TNFRSF21: variants seen among roughly 807,000 people sequenced by gnomAD.
The protein encoded by TNFRSF21 is TNF receptor superfamily member 21.
Under a neutral mutation model 45.6 loss-of-function variants are expected in TNFRSF21, and 19 were observed. The ratio of observed to expected loss-of-function variants is 0.42; its 90% CI spans 0.29 to 0.61. The LOEUF is 0.61. TNFRSF21 is among the 20% of genes least tolerant of loss of function. The pLI, the probability that TNFRSF21 is intolerant of heterozygous loss-of-function variation, is 0.23. For synonymous variants in TNFRSF21, 314 were observed against 335.5 expected (o/e 0.94, Z 0.70); for missense variants, 737 against 851.5 (o/e 0.87, Z 1.67).
Position 47,309,902 on chromosome 6 carries a change from G to T in TNFRSF21, c.-391C>A. 6.0e-6 allele frequency: 1 copy of T among 167,530 alleles called. No individual in the cohort carries two copies. Among genetic ancestry groups the T allele is most frequent in the East Asian group, 1.6e-4 (1 of 6,192 alleles). 10.4% of individuals were successfully genotyped at this position (167,530 alleles called of 1,614,324 possible). A position where few individuals can be genotyped will look rare whatever the true frequency, so the allele number is the denominator to read the frequency against. ...CCGCTGCCCAGACTGGTCGGCGAGGGACTGAGTCGGTGGCCACCGGGCGCA... is the reference window on the plus strand; with the variant it reads ...CCGCTGCCCAGACTGGTCGGCGAGGTACTGAGTCGGTGGCCACCGGGCGCA... On this transcript the variant is annotated 5_prime_UTR_variant, in exon 1 of 6. Coordinates refer to ENST00000296861, the MANE Select transcript of TNFRSF21 (RefSeq NM_014452.5).
intron 1 of TNFRSF21, among the ~76,000 whole-genome samples, chr6:47,301,408 G>A (rs556418644): frequency 1.5e-4 from 23 of 152,276 alleles, no homozygotes; most frequent in African/African-American, 5.5e-4. Context: ...GGTCTGCAAG[G>A]TTTAAACCCA....
intron 4 of TNFRSF21, among the ~76,000 whole-genome samples, chr6:47,249,781 T>C (rs540834080): frequency 6.6e-6 from 1 of 152,322 alleles, no homozygotes; most frequent in South Asian, 2.1e-4. Context: ...AAAGTACACA[T>C]TTATTGCCTA....
At chr6:47,272,311 C>T (rs1404975465) in intron 3 of TNFRSF21, among the ~76,000 whole-genome samples, 1 of 152,310 alleles carries the variant, frequency 6.6e-6, no homozygotes, top group African/African-American at 2.4e-5. Context: ...TCACAACAAA[C>T]TGTCTCTCAG....
intron 1 of TNFRSF21, among the ~76,000 whole-genome samples, chr6:47,301,027 A>G (rs1762859051): frequency 6.6e-6 from 1 of 152,226 alleles, no homozygotes; most frequent in African/African-American, 2.4e-5. Flanking sequence ...AGGGAATTGA[A>G]TTGAAATGAC....
intron 3 of TNFRSF21, among the ~76,000 whole-genome samples, chr6:47,283,487 A>G (rs1339234705): frequency 6.6e-6 from 1 of 152,220 alleles, no homozygotes; most frequent in East Asian, 1.9e-4. Flanking sequence ...ACTTATGACA[A>G]GTTGGGTTTT....
intron 1 of TNFRSF21, among the ~76,000 whole-genome samples, chr6:47,289,442 A>AT (rs1476751352): frequency 6.6e-6 from 1 of 151,906 alleles, no homozygotes; most frequent in Non-Finnish European, 1.5e-5. Flanking sequence ...GGGTATATTC[A>AT]TTTTTTCTGT....
chr6:47,290,309 A>C (rs1008130992), intron 1 of TNFRSF21, among the ~76,000 whole-genome samples: 9 of 152,058 alleles, frequency 5.9e-5, no homozygotes, highest in African/African-American at 1.9e-4. Flanking sequence ...CCTGTGTGGG[A>C]GGATGGGCAG....
intron 3 of TNFRSF21, among the ~76,000 whole-genome samples, chr6:47,283,430 C>T (rs16875864): frequency 0.039 from 5,955 of 152,176 alleles, 386 homozygotes; most frequent in African/African-American, 0.14. Flanking sequence ...ATATATGTGA[C>T]GAAATTGTTA....
intron 3 of TNFRSF21, among the ~76,000 whole-genome samples, chr6:47,282,561 A>C (rs1045597837): frequency 6.6e-6 from 1 of 152,192 alleles, no homozygotes; most frequent in Non-Finnish European, 1.5e-5. Flanking sequence ...TTCGTTATAG[A>C]AGTGGCATGT....
At chr6:47,303,368 A>T (rs1012438973) in intron 1 of TNFRSF21, among the ~76,000 whole-genome samples, 2 of 152,196 alleles carry the variant, frequency 1.3e-5, no homozygotes, top group African/African-American at 4.8e-5. Context: ...TAATTTTTAA[A>T]TATGAAGCCA....
intron 1 of TNFRSF21, among the ~76,000 whole-genome samples, chr6:47,305,678 T>C (rs1762930131): frequency 6.6e-6 from 1 of 152,176 alleles, no homozygotes; most frequent in African/African-American, 2.4e-5. Flanking sequence ...AAAAACACTA[T>C]TACTTGGCAC....
At chr6:47,235,046 T>G in intron 4 of TNFRSF21, 148 bp from the exon 5 acceptor site, 3 of 476,838 alleles carry the variant, frequency 6.3e-6, no homozygotes, top group Middle Eastern at 1.0e-3. Context: ...TTTATATGAT[T>G]GCTAGACACA....
At chr6:47,282,407 A>C (rs1005478326) in intron 3 of TNFRSF21, among the ~76,000 whole-genome samples, 14 of 151,454 alleles carry the variant, frequency 9.2e-5, no homozygotes, top group African/African-American at 1.9e-4. Flanking sequence ...AAAAAAAAAA[A>C]CCCTCAGAAA....
At chr6:47,284,499 T>C (rs1440742807) in intron 2 of TNFRSF21, 67 bp from the exon 3 acceptor site, 3 of 1,451,350 alleles carry the variant, frequency 2.1e-6, no homozygotes, top group Non-Finnish European at 2.7e-6. Flanking sequence ...TTCCCTCCTT[T>C]CCCTGGTCAT....
chr6:47,294,757 C>A (rs947319451), intron 1 of TNFRSF21, among the ~76,000 whole-genome samples: 2 of 152,034 alleles, frequency 1.3e-5, no homozygotes, highest in African/African-American at 4.8e-5. Context: ...TCTCAAACTC[C>A]TGGCCTCAAG....
At chr6:47,247,477 T>A (rs1479554198) in intron 4 of TNFRSF21, among the ~76,000 whole-genome samples, 2 of 152,226 alleles carry the variant, frequency 1.3e-5, no homozygotes, top group Middle Eastern at 3.2e-3. Context: ...CTAATTTGAA[T>A]AGCCAAAAAG....
chr6:47,235,667 G>C (rs1443426204), intron 4 of TNFRSF21, among the ~76,000 whole-genome samples: 1 of 152,148 alleles, frequency 6.6e-6, no homozygotes, highest in East Asian at 1.9e-4. Context: ...TCTTAACTAA[G>C]GGCCAACAAG....
At chr6:47,302,367 C>T (rs532749820) in intron 1 of TNFRSF21, among the ~76,000 whole-genome samples, 74 of 152,308 alleles carry the variant, frequency 4.9e-4, no homozygotes, top group Non-Finnish European at 9.1e-4. Context: ...CTAAAAGGTC[C>T]TCAAGTTCTC....
rs1191226346 is a variant in TNFRSF21 at position 47,253,298 on chromosome 6, A to G, written c.1467T>C (p.Asp489=). 44 of 1,613,708 alleles carry G rather than the reference A, an allele frequency of 2.7e-5. No individual in the cohort carries two copies. Among genetic ancestry groups the G allele is most frequent in the Non-Finnish European group, 3.5e-5 (41 of 1,179,862 alleles). The change falls in exon 4 of 6, where the codon GAT becomes GAC. Residue 489 remains aspartate (D), a synonymous_variant. Coordinates refer to ENST00000296861, the MANE Select transcript of TNFRSF21 (RefSeq NM_014452.5). ...ISALRQHRRN[D]VVEKIRGLME... The stretch of plus-strand genomic sequence containing the variant: ...TCAGCCCACGAATCTTCTCCACAAC[A>G]TCGTTTCTCCGGTGCTGGCGCAGGG...
Sources: allele counts gnomAD v4.1 joint callset (sites outside exome capture counted in the v4.1 genomes callset), GRCh38; gene constraint gnomAD v4.1.1; transcripts MANE v1.5; gene names NCBI Gene and HGNC (gene_info 2026-07-23, HGNC 2026-07-21).